Variants in OSBPL6 observed in about 807,000 individuals in gnomAD.
OSBPL6 encodes the protein oxysterol binding protein like 6, also known as oxysterol-binding protein-related protein 6.
A neutral mutation model predicts 125.8 loss-of-function variants in OSBPL6; 49 were observed. The ratio of observed to expected loss-of-function variants is 0.39; its 90% CI spans 0.31 to 0.49. OSBPL6 has a LOEUF of 0.49. OSBPL6 is among the 20% of genes least tolerant of loss of function. The pLI is 0.88. For missense variants in OSBPL6, 986 were observed against 1,135.4 expected (o/e 0.87, Z 1.89); for synonymous variants, 394 against 391.8 (o/e 1.01, Z -0.07).
At chr2:178,280,617 G>A (rs575853348) in intron 1 of OSBPL6, among the ~76,000 whole-genome samples, 20 of 152,148 alleles carry the variant, frequency 1.3e-4, no homozygotes, top group Non-Finnish European at 2.4e-4. Flanking sequence ...ATACACTTTC[G>A]TGCATTTAAT....
intron 1 of OSBPL6, among the ~76,000 whole-genome samples, chr2:178,246,022 C>T (rs1463292128): frequency 6.6e-6 from 1 of 152,172 alleles, no homozygotes; most frequent in African/African-American, 2.4e-5. Flanking sequence ...ACCTGGTAGC[C>T]TCCATCTGGT....
At position 178,320,476 on chromosome 2, in the gene OSBPL6, G is replaced by A. The variant is rs1688143186; in HGVS notation, c.103-3701G>A. 2.8e-6 allele frequency: 4 copies of A among 1,450,590 alleles called. No homozygotes were observed. The Admixed American group carries it at 5.9e-5, about 21-fold the overall frequency. 89.9% of individuals were successfully genotyped at this position (1,450,590 alleles called of 1,614,324 possible). A position where few individuals can be genotyped will look rare whatever the true frequency, so the allele number is the denominator to read the frequency against. ...ACCTGGAAATTAACTTATAATTTTA[G>A]CATTTGAGAGGAAACTTGATTTTAG... On this transcript the variant is annotated intron_variant, in intron 3 of 24. Coordinates refer to ENST00000190611, the MANE Select transcript of OSBPL6 (RefSeq NM_032523.4).
At chr2:178,246,265 T>C (rs1330110025) in intron 1 of OSBPL6, among the ~76,000 whole-genome samples, 2 of 152,210 alleles carry the variant, frequency 1.3e-5, no homozygotes, top group Non-Finnish European at 2.9e-5. Context: ...TCACCAGGGC[T>C]ATCTGAGTTC....
In OSBPL6 at chr2:178,392,397, T is replaced by C. The variant is rs202210393; in HGVS notation, c.2447-15T>C. On this transcript the variant is annotated splice_polypyrimidine_tract_variant and intron_variant, in intron 22 of 24. Transcript: ENST00000190611. The stretch of plus-strand genomic sequence containing the variant: ...ACCTTCTGCCTCTCACAGTGGTTCA[T>C]TGGCCTCTTTCCAGGTTCCATGCCA... 22 of 1,613,638 alleles carry C rather than the reference T, an allele frequency of 1.4e-5. No individual in the cohort carries two copies. Among genetic ancestry groups the C allele is most frequent in the Non-Finnish European group, 1.4e-5 (17 of 1,179,600 alleles).
intron 13 of OSBPL6, among the ~76,000 whole-genome samples, chr2:178,371,105 C>G (rs1227733972): frequency 2.6e-5 from 4 of 152,218 alleles, no homozygotes. Context: ...GCCCTCTTTA[C>G]TAGGCACTGA....
At chr2:178,207,671 G>A (rs915924252) in intron 1 of OSBPL6, among the ~76,000 whole-genome samples, 1 of 152,156 alleles carries the variant, frequency 6.6e-6, no homozygotes, top group Non-Finnish European at 1.5e-5. Context: ...TGCAGGGGAA[G>A]TCACCTATGA....
At chr2:178,395,364 T>A (rs1695768111) in intron 24 of OSBPL6, 87 bp from the exon 25 acceptor site, 1 of 863,774 alleles carries the variant, frequency 1.2e-6, no homozygotes, top group East Asian at 2.5e-5. Context: ...ACTGCTTATA[T>A]GTCCATGTCT....
chr2:178,240,093 A>G (rs2091228620), intron 1 of OSBPL6, among the ~76,000 whole-genome samples: 1 of 152,178 alleles, frequency 6.6e-6, no homozygotes, highest in Admixed American at 6.5e-5. Flanking sequence ...TTGAAGTCAT[A>G]ATATTCAAGT....
intron 1 of OSBPL6, among the ~76,000 whole-genome samples, chr2:178,274,403 A>C (rs2092429615): frequency 6.6e-6 from 1 of 151,788 alleles, no homozygotes; most frequent in East Asian, 1.9e-4. Flanking sequence ...ATGTAGTCTT[A>C]AGTGCTATAT....
chr2:178,362,490 T>G (rs1007665473), intron 13 of OSBPL6, among the ~76,000 whole-genome samples: 3 of 152,340 alleles, frequency 2.0e-5, no homozygotes, highest in Admixed American at 1.3e-4. Flanking sequence ...AAGTATTTTC[T>G]TTAGTCTATA....
At chr2:178,361,851 C>T (rs1046195118) in intron 13 of OSBPL6, 36 bp downstream of exon 13, 1 of 1,612,426 alleles carries the variant, frequency 6.2e-7, no homozygotes, top group Admixed American at 1.7e-5. Flanking sequence ...GTACATGACA[C>T]ACTCCCAACC....
intron 1 of OSBPL6, among the ~76,000 whole-genome samples, chr2:178,223,893 C>G (rs953594935): frequency 4.6e-5 from 7 of 152,152 alleles, no homozygotes; most frequent in African/African-American, 1.4e-4. Flanking sequence ...AGAGACTTTG[C>G]CTTTAACTGT....
At chr2:178,379,346 GGGA>G in intron 15 of OSBPL6, among the ~76,000 whole-genome samples, 1 of 138,244 alleles carries the variant, frequency 7.2e-6, no homozygotes, top group Non-Finnish European at 1.6e-5. Context: ...GAGGGAGGGA[GGGA>G]GGGAGGGGAA....
intron 1 of OSBPL6, among the ~76,000 whole-genome samples, chr2:178,228,405 T>A (rs145307402): frequency 6.6e-6 from 1 of 152,086 alleles, no homozygotes; most frequent in Non-Finnish European, 1.5e-5. Flanking sequence ...TGTGGTGGCG[T>A]GCGCCTGTAG....
chr2:178,225,591 T>C (rs2090528351), intron 1 of OSBPL6, among the ~76,000 whole-genome samples: 1 of 152,184 alleles, frequency 6.6e-6, no homozygotes, highest in East Asian at 1.9e-4. Context: ...TCCATGCTGC[T>C]GATAAAGACA....
At chr2:178,236,501 C>T (rs1281381646) in intron 1 of OSBPL6, among the ~76,000 whole-genome samples, 1 of 152,176 alleles carries the variant, frequency 6.6e-6, no homozygotes, top group East Asian at 1.9e-4. Context: ...GCCTGCTACC[C>T]CTGGTGACAG....
At chr2:178,209,978 TTAAAGA>T (rs1349873436) in intron 1 of OSBPL6, among the ~76,000 whole-genome samples, 3 of 152,194 alleles carry the variant, frequency 2.0e-5, no homozygotes, top group Non-Finnish European at 4.4e-5. Context: ...TAAGACTTTA[TTAAAGA>T]TAAAGACTAT....
intron 1 of OSBPL6, among the ~76,000 whole-genome samples, chr2:178,235,654 C>T (rs2091027840): frequency 6.6e-6 from 1 of 152,118 alleles, no homozygotes; most frequent in Non-Finnish European, 1.5e-5. Context: ...GATCTGCCTG[C>T]CTTGGCCTCC....
chr2:178,259,338 C>A (rs1046171868), intron 1 of OSBPL6, among the ~76,000 whole-genome samples: 1 of 152,088 alleles, frequency 6.6e-6, no homozygotes, highest in Non-Finnish European at 1.5e-5. Flanking sequence ...TAAGGTCAAG[C>A]GCTGATAATT....
Sources: allele counts gnomAD v4.1 joint callset (sites outside exome capture counted in the v4.1 genomes callset), GRCh38; gene constraint gnomAD v4.1.1; transcripts MANE v1.5; gene names NCBI Gene and HGNC (gene_info 2026-07-23, HGNC 2026-07-21).